The following PRKAG2 variants were observed in gnomAD, a reference collection of about 807,000 sequenced individuals.
PRKAG2 encodes 5'-AMP-activated protein kinase subunit gamma-2.
In PRKAG2, 26 loss-of-function variants were observed where a neutral mutation model predicts 69.6. That is an observed-to-expected ratio of 0.37 (90% CI 0.27 to 0.52). PRKAG2 has a LOEUF of 0.52. Ranked by LOEUF, PRKAG2 falls within the 20% of genes least tolerant of loss-of-function variation. PRKAG2 has a pLI of 0.90. For missense variants in PRKAG2, 557 were observed against 740.0 expected, an observed-to-expected ratio of 0.75 and a Z score of 2.87; for synonymous variants, 293 against 285.0, an observed-to-expected ratio of 1.03 and a Z score of -0.28.
chr7:151,834,782 TG>T (rs2079111130), intron 1 of PRKAG2, among the ~76,000 whole-genome samples: 1 of 152,316 alleles, frequency 6.6e-6, no homozygotes, highest in African/African-American at 2.4e-5. Flanking sequence ...GTGAGTCTCC[TG>T]GGGGGCTTTG....
At chr7:151,758,483 A>C (rs2075232971) in intron 3 of PRKAG2, among the ~76,000 whole-genome samples, 1 of 152,220 alleles carries the variant, frequency 6.6e-6, no homozygotes, top group Non-Finnish European at 1.5e-5. Flanking sequence ...TTTTTGCCAG[A>C]ACTGTTTCCA....
chr7:151,621,597 T>A (rs1286271322), intron 5 of PRKAG2, among the ~76,000 whole-genome samples: 1 of 152,100 alleles, frequency 6.6e-6, no homozygotes, highest in Non-Finnish European at 1.5e-5. Context: ...CAATTTAAAG[T>A]GTACCATCTC....
intron 4 of PRKAG2, among the ~76,000 whole-genome samples, chr7:151,642,716 C>T (rs1423768904): frequency 6.6e-6 from 1 of 152,162 alleles, no homozygotes; most frequent in African/African-American, 2.4e-5. Context: ...AGAGTAGCAA[C>T]CAATTTGTCC....
Position 151,845,367 on chromosome 7 carries a change from G to A in PRKAG2, c.114+31140C>T, listed in dbSNP as rs148188261. On this transcript the variant is annotated intron_variant, in intron 1 of 15. Transcript: ENST00000287878. ...CTCCTGGCCCAGTGGTCCTCAGAGC[G>A]TGGTTCCCGGACCAGCAGCGTCCTT... is the stretch of plus-strand genomic sequence containing the variant. Among the ~76,000 whole-genome samples, 195 of 152,270 alleles carry A rather than the reference G, an allele frequency of 1.3e-3. 1 individual carries two copies. The highest frequency in any genetic ancestry group is 4.5e-3 in the African/African-American group (189 of 41,556).
chr7:151,685,703 C>T (rs1306455569), intron 3 of PRKAG2, among the ~76,000 whole-genome samples: 3 of 150,792 alleles, frequency 2.0e-5, no homozygotes, highest in African/African-American at 7.3e-5. Flanking sequence ...TGAGAGGTTG[C>T]GGTTGCAATG....
intron 1 of PRKAG2, among the ~76,000 whole-genome samples, chr7:151,871,407 T>C (rs2080217279): frequency 6.6e-6 from 1 of 152,208 alleles, no homozygotes; most frequent in African/African-American, 2.4e-5. Context: ...CCTTTGCTAC[T>C]TTGAAAGGCC....
chr7:151,591,461 C>G (rs1019838869), intron 6 of PRKAG2, among the ~76,000 whole-genome samples: 1 of 152,140 alleles, frequency 6.6e-6, no homozygotes, highest in Admixed American at 6.5e-5. Context: ...AGATATGTGC[C>G]GGGCAGAGCA....
At chr7:151,876,413 G>T in intron 1 of PRKAG2, 94 bp downstream of exon 1, 2 of 1,268,420 alleles carry the variant, frequency 1.6e-6, no homozygotes, top group Non-Finnish European at 2.3e-6. Flanking sequence ...GGGCACGCAC[G>T]GCGCGCGCGG....
chr7:151,740,896 C>T (rs1234165818), intron 3 of PRKAG2, among the ~76,000 whole-genome samples: 9 of 152,284 alleles, frequency 5.9e-5, no homozygotes, highest in Non-Finnish European at 8.8e-5. Context: ...CAGCTAGGTC[C>T]CCTGATATAC....
intron 6 of PRKAG2, among the ~76,000 whole-genome samples, chr7:151,587,272 A>C (rs994831131): frequency 2.6e-4 from 40 of 152,242 alleles, no homozygotes; most frequent in Non-Finnish European, 1.8e-4. Context: ...ATTATAACCC[A>C]AAAATAAATA....
chr7:151,841,514 G>C (rs1201161841), intron 1 of PRKAG2, among the ~76,000 whole-genome samples: 11 of 146,322 alleles, frequency 7.5e-5, no homozygotes, highest in African/African-American at 2.6e-4. Flanking sequence ...GGATGGTAGT[G>C]ATGGTAGGGA....
chr7:151,636,518 G>A (rs755335556), intron 4 of PRKAG2, among the ~76,000 whole-genome samples: 5 of 152,120 alleles, frequency 3.3e-5, no homozygotes, highest in African/African-American at 4.8e-5. Context: ...TCTGTTGTGT[G>A]GACACACACA....
chr7:151,783,912 CAAAAAAA>C (rs536105914), intron 2 of PRKAG2, among the ~76,000 whole-genome samples: 36 of 28,952 alleles, frequency 1.2e-3, no homozygotes, highest in South Asian at 3.0e-3. Flanking sequence ...GACCCTGTCT[CAAAAAAA>C]AAAAAAAAAA....
rs1036777897 is a variant in PRKAG2, at chr7:151,835,385, G to A, written c.114+41122C>T. Among the ~76,000 whole-genome samples, 14 of 151,590 alleles carry A rather than the reference G, an allele frequency of 9.2e-5. No homozygotes were observed. The highest frequency in any genetic ancestry group is 3.2e-4 in the African/African-American group (13 of 41,220). On this transcript the variant is annotated intron_variant, in intron 1 of 15. Transcript: ENST00000287878. This position sits in a 1 kb window ranked among gnomAD's most constrained non-coding sequence, Gnocchi z 4.1. ...TTATTTTTAATTTTTTGTAGAGACG[G>A]GTCTCCCTATGTTGCCCAGGCTGGT...
intron 3 of PRKAG2, among the ~76,000 whole-genome samples, chr7:151,695,412 A>G (rs921465850): frequency 3.3e-5 from 5 of 152,102 alleles, no homozygotes; most frequent in Non-Finnish European, 7.4e-5. Flanking sequence ...CTTTTGAGAG[A>G]GTCCAGAGAG....
chr7:151,759,101 C>A (rs6965926), intron 3 of PRKAG2, among the ~76,000 whole-genome samples: 21,550 of 152,136 alleles, frequency 0.14, 1,776 homozygotes, highest in African/African-American at 0.22. Context: ...AAGGCCCCGC[C>A]CCACTCCCTG....
chr7:151,689,992 G>C (rs1835413133), intron 3 of PRKAG2, among the ~76,000 whole-genome samples: 1 of 152,176 alleles, frequency 6.6e-6, no homozygotes, highest in African/African-American at 2.4e-5. Flanking sequence ...GAAGAGAAGA[G>C]GAAGGAAAGC....
At chr7:151,694,113 A>T (rs999040631) in intron 3 of PRKAG2, among the ~76,000 whole-genome samples, 4 of 152,192 alleles carry the variant, frequency 2.6e-5, no homozygotes, top group Non-Finnish European at 5.9e-5. Context: ...ACCTCGAGTG[A>T]TCTGCCCGCC....
intron 4 of PRKAG2, among the ~76,000 whole-genome samples, chr7:151,664,386 T>G (rs1188383840): frequency 6.6e-6 from 1 of 152,078 alleles, no homozygotes; most frequent in Non-Finnish European, 1.5e-5. Flanking sequence ...AACTTCCCAT[T>G]AGCACAGGGA....
Sources: gnomAD v4.1 joint callset for allele counts (sites outside exome capture counted in the v4.1 genomes callset) on GRCh38, gnomAD v4.1.1 for gene constraint, Gnocchi (gnomAD v3.1) non-coding constraint, MANE v1.5 for transcripts, NCBI Gene and HGNC (gene_info 2026-07-23, HGNC 2026-07-21) for gene names.